The following JAK2 variants were observed in gnomAD, a reference collection of about 807,000 sequenced individuals.
The protein encoded by JAK2 is tyrosine-protein kinase JAK2.
Under a neutral mutation model 139.3 loss-of-function variants are expected in JAK2, and 86 were observed. That is an observed-to-expected ratio of 0.62 (90% CI 0.52 to 0.74). The LOEUF (loss-of-function observed/expected upper bound fraction) is 0.74. Among genes scored for constraint, JAK2 ranks in the 30% least tolerant of loss-of-function variants. The pLI is 0.00. For synonymous variants in JAK2, 490 were observed against 437.7 expected (o/e 1.12, Z -1.49); for missense variants, 1,421 against 1,360.3 (o/e 1.04, Z -0.70).
At position 5,070,016 on chromosome 9, in the gene JAK2, G is replaced by C; in HGVS notation, c.1605G>C (p.Met535Ile). 1 of 1,606,432 alleles carries C rather than the reference G, an allele frequency of 6.2e-7. No individual in the cohort carries two copies. Among genetic ancestry groups the C allele is most frequent in the African/African-American group, 1.3e-5 (1 of 74,788 alleles). The change falls in exon 12 of 25, where the codon ATG becomes ATC. Residue 535 changes from methionine (M) to isoleucine (I), a missense_variant. Transcript: ENST00000381652. ...TLQRPTHMNQ[M>I]VFHKIRNEDL... Reference sequence around the variant, plus strand: ...AGAGGCCTACTCATATGAACCAAATGGTGTTTCACAAAATCAGAAATGAAG... The same window carrying C: ...AGAGGCCTACTCATATGAACCAAATCGTGTTTCACAAAATCAGAAATGAAG...
intron 22 of JAK2, chr9:5,110,159 A>T (rs546744363): frequency 6.6e-6 from 1 of 152,254 alleles, no homozygotes; most frequent in African/African-American, 2.4e-5. Context: ...TCCATCCCTG[A>T]CTTCCATCCG....
At chr9:5,041,711 G>C (rs1816545006) in intron 4 of JAK2, 6 of 504,326 alleles carry the variant, frequency 1.2e-5, no homozygotes, top group Non-Finnish European at 2.0e-5. Context: ...TCGACTCTGA[G>C]TACGAGGGGC....
chr9:5,031,851 T>TGATC (rs1360680146), intron 4 of JAK2, among the ~76,000 whole-genome samples: 3 of 152,188 alleles, frequency 2.0e-5, no homozygotes, highest in Non-Finnish European at 4.4e-5. Flanking sequence ...GACGGGTGAT[T>TGATC]TCTGCATTTC....
intron 2 of JAK2, among the ~76,000 whole-genome samples, chr9:5,000,007 C>A (rs1330016430): frequency 6.6e-6 from 1 of 152,156 alleles, no homozygotes; most frequent in Non-Finnish European, 1.5e-5. Flanking sequence ...AACAATATCT[C>A]ATTTTTATGT....
At chr9:5,008,594 A>T (rs1444296908) in intron 2 of JAK2, among the ~76,000 whole-genome samples, 1 of 152,228 alleles carries the variant, frequency 6.6e-6, no homozygotes, top group African/African-American at 2.4e-5. Flanking sequence ...TGTTTTCATC[A>T]GTGATTTTTA....
In JAK2 at chr9:5,078,737, T is replaced by G. The variant is rs549817001; in HGVS notation, c.2131+293T>G. ...TTAGTATGAAGTTTTGTAATATTCC[T>G]TGAGCCACAAGTAAATTTTCTAAAT... On this transcript the variant is annotated intron_variant, in intron 16 of 24. Transcript: ENST00000381652. Among the ~76,000 whole-genome samples, 10 of 152,310 alleles carry G rather than the reference T, an allele frequency of 6.6e-5. No individual in the cohort carries two copies. The East Asian group carries it at 1.9e-3, about 29-fold the overall frequency.
chr9:4,995,369 C>T (rs1176290243), intron 2 of JAK2, among the ~76,000 whole-genome samples: 4 of 152,120 alleles, frequency 2.6e-5, no homozygotes, highest in Non-Finnish European at 5.9e-5. Flanking sequence ...TAGGTAGGTT[C>T]CTTCTAACCC....
chr9:5,073,359 T>C (rs1259599573), intron 13 of JAK2, among the ~76,000 whole-genome samples: 3 of 152,220 alleles, frequency 2.0e-5, no homozygotes, highest in Admixed American at 6.5e-5. Context: ...TCTACCTCAG[T>C]TTCCTATATC....
At chr9:5,050,944 C>G in intron 6 of JAK2, 113 bp downstream of exon 6, 1 of 845,470 alleles carries the variant, frequency 1.2e-6, no homozygotes. Flanking sequence ...TAGTTAAGTA[C>G]TCCTTATCTA....
intron 22 of JAK2, chr9:5,094,261 C>A (rs1820807035): frequency 6.6e-6 from 1 of 152,244 alleles, no homozygotes; most frequent in Non-Finnish European, 1.5e-5. Flanking sequence ...CCCTTACGAC[C>A]CTCAACGTCT....
intron 22 of JAK2, chr9:5,114,506 G>T: frequency 2.1e-6 from 1 of 470,238 alleles, no homozygotes; most frequent in South Asian, 1.8e-5. Flanking sequence ...AGGTCTACGT[G>T]TTTGCAACGC....
In JAK2 at chr9:5,030,177, C is replaced by G. The variant is rs114181938; in HGVS notation, c.350+271C>G. Among the ~76,000 whole-genome samples the G allele has an allele frequency of 2.1e-3, 322 of 152,260 alleles. 2 individuals carry two copies. The highest frequency in any genetic ancestry group is 7.1e-3 in the African/African-American group (295 of 41,562). On this transcript the variant is annotated intron_variant, in intron 4 of 24. Coordinates refer to ENST00000381652, the MANE Select transcript of JAK2 (RefSeq NM_004972.4). The stretch of plus-strand genomic sequence containing the variant: ...ATAATTAAATAAGTAAACAAAATCA[C>G]AGTGGCCTTTATTAACAAAATCCTA...
At chr9:5,058,758 T>C (rs1317918787) in intron 8 of JAK2, among the ~76,000 whole-genome samples, 3 of 152,234 alleles carry the variant, frequency 2.0e-5, no homozygotes, top group African/African-American at 2.4e-5. Flanking sequence ...AGTATCTCAT[T>C]GTGATTTTGA....
At chr9:5,096,751 T>C (rs889278923) in intron 22 of JAK2, 5 of 152,190 alleles carry the variant, frequency 3.3e-5, no homozygotes, top group African/African-American at 1.2e-4. Context: ...GTGGGGATAG[T>C]GGGTACCTCC....
intron 2 of JAK2, among the ~76,000 whole-genome samples, chr9:5,008,328 C>T (rs919264558): frequency 2.0e-5 from 3 of 151,890 alleles, no homozygotes; most frequent in Admixed American, 1.3e-4. Flanking sequence ...TAAAATATTC[C>T]AGCTTCATTT....
At chr9:5,030,031 A>G (rs967660278) in intron 4 of JAK2, 125 bp downstream of exon 4, 2 of 723,120 alleles carry the variant, frequency 2.8e-6, no homozygotes, top group African/African-American at 1.8e-5. Context: ...CACTCATTTA[A>G]GATTTCATTT....
intron 10 of JAK2, 123 bp from the exon 11 acceptor site, chr9:5,068,899 C>A: frequency 1.7e-6 from 1 of 588,604 alleles, no homozygotes; most frequent in Non-Finnish European, 2.9e-6. Context: ...ACTGGCACTA[C>A]ATCGGATTCA....
At chr9:5,048,545 A>C (rs1181001198) in intron 5 of JAK2, among the ~76,000 whole-genome samples, 1 of 152,142 alleles carries the variant, frequency 6.6e-6, no homozygotes, top group Non-Finnish European at 1.5e-5. Context: ...CTGTTCTCAA[A>C]AGTGTGGTGA....
chr9:5,083,009 C>G (rs2130626540), intron 19 of JAK2, among the ~76,000 whole-genome samples: 2 of 152,326 alleles, frequency 1.3e-5, no homozygotes, highest in Middle Eastern at 6.8e-3. Flanking sequence ...AACTGAAGAA[C>G]TTTTCAGAGG....
Sources: allele counts gnomAD v4.1 joint callset (sites outside exome capture counted in the v4.1 genomes callset), GRCh38; gene constraint gnomAD v4.1.1; transcripts MANE v1.5; gene names NCBI Gene and HGNC (gene_info 2026-07-23, HGNC 2026-07-21).